Variants in PLD1 observed in about 807,000 individuals in gnomAD.
PLD1 encodes the protein choline phosphatase 1.
Under a neutral mutation model 137.1 loss-of-function variants are expected in PLD1, and 112 were observed. The observed-to-expected ratio is 0.82, with a 90% CI of 0.70 to 0.96. The LOEUF (loss-of-function observed/expected upper bound fraction) is 0.96, where lower values mean the gene tolerates loss of function less well. PLD1 is among the 40% of genes least tolerant of loss of function. The probability of loss-of-function intolerance (pLI) is 0.00; values close to 1 mark genes in which losing one functional copy is unlikely to be tolerated. For missense variants in PLD1, 1,321 were observed against 1,342.0 expected (o/e 0.98, Z 0.24); for synonymous variants, 431 against 454.7 (o/e 0.95, Z 0.66).
chr3:171,783,505 T>G (rs1477616557), intron 1 of PLD1, among the ~76,000 whole-genome samples: 1 of 152,048 alleles, frequency 6.6e-6, no homozygotes, highest in Non-Finnish European at 1.5e-5. Context: ...GACGTAAAAG[T>G]GTTGATCTGA....
intron 17 of PLD1, among the ~76,000 whole-genome samples, chr3:171,677,344 C>T (rs1278510916): frequency 1.3e-5 from 2 of 152,202 alleles, no homozygotes; most frequent in Non-Finnish European, 2.9e-5. Flanking sequence ...CTGGATTTTT[C>T]AGACAGTTCA....
In PLD1 at chr3:171,624,574, T is replaced by C. The variant is rs140067872; in HGVS notation, c.2594-4054A>G. Among the ~76,000 whole-genome samples the C allele has an allele frequency of 2.6e-5, 4 of 152,138 alleles. No individual in the cohort carries two copies. The East Asian group carries it at 7.7e-4, about 29-fold the overall frequency. ...ATAAGAATATATGTATATATATTAA[T>C]ATATACACAGTTACCCATTGTATGT... On this transcript the variant is annotated intron_variant, in intron 23 of 26. Transcript: ENST00000351298.
At chr3:171,777,167 A>AT (rs577704942) in intron 1 of PLD1, among the ~76,000 whole-genome samples, 31 of 152,162 alleles carry the variant, frequency 2.0e-4, no homozygotes, top group African/African-American at 4.8e-4. Context: ...TTTCTCTATT[A>AT]TTTTCTTTCT....
chr3:171,621,672 T>C (rs1352173326), intron 23 of PLD1, among the ~76,000 whole-genome samples: 5 of 152,184 alleles, frequency 3.3e-5, no homozygotes, highest in Non-Finnish European at 7.4e-5. Flanking sequence ...TGATGAGAGT[T>C]GAAATGTTGG....
At chr3:171,689,488 C>CTCCTTCCTTCCT (rs200165498) in intron 13 of PLD1, among the ~76,000 whole-genome samples, 38 of 149,738 alleles carry the variant, frequency 2.5e-4, no homozygotes, top group African/African-American at 7.1e-4. Flanking sequence ...CCTTCCTTCC[C>CTCCTTCCTTCCT]TCCTTCCTTC....
intron 20 of PLD1, among the ~76,000 whole-genome samples, chr3:171,661,001 G>T (rs984025737): frequency 6.6e-6 from 1 of 152,134 alleles, no homozygotes; most frequent in Non-Finnish European, 1.5e-5. Context: ...CATCTCTATG[G>T]TATAATTGTT....
rs753012433 is a variant in PLD1 at position 171,603,272 on chromosome 3, G to A, written c.3031C>T (p.His1011Tyr). Residue 1011 changes from histidine to tyrosine, a missense_variant, in exon 27 of 27, where the codon CAC becomes TAC. Physicochemically the swap from His to Tyr is moderately conservative, Grantham distance 83. Transcript: ENST00000351298. ...AAGTCTCTCAGCTGAATTAAATTGT[G>A]TACTTCATCATTGGGAAGGCACCGG... ...VFRCLPNDEV[H>Y]NLIQLRDFIN... The A allele has an allele frequency of 4.3e-6, 7 of 1,613,904 alleles. No individual in the cohort carries two copies. The highest frequency in any genetic ancestry group is 5.1e-6 in the Non-Finnish European group (6 of 1,179,892).
chr3:171,788,908 C>T (rs10936700), intron 1 of PLD1: 108,602 of 152,152 alleles, frequency 0.71, 38,876 homozygotes, highest in Admixed American at 0.75. Context: ...TTTTTTTGAA[C>T]TGTATTCCTT....
rs188586768 is a variant in PLD1 at position 171,765,804 on chromosome 3, C to A, written c.-31-27722G>T. ...GTCCCTTTCATCACATCATCAACTG[C>A]GTTTAGACCAAAGAATTGTTATCCA... is the stretch of plus-strand genomic sequence containing the variant. On this transcript the variant is annotated intron_variant, in intron 1 of 26. Transcript: ENST00000351298. 5.0e-4 allele frequency among the ~76,000 whole-genome samples: 76 copies of A among 152,316 alleles called. 1 individual carries two copies. The highest frequency in any genetic ancestry group is 1.8e-3 in the African/African-American group (75 of 41,574).
At chr3:171,781,676 G>A (rs1298098151) in intron 1 of PLD1, among the ~76,000 whole-genome samples, 7 of 152,088 alleles carry the variant, frequency 4.6e-5, no homozygotes, top group African/African-American at 2.4e-5. Context: ...TAAGAAAAAC[G>A]CAATGAGGTA....
rs191779507 is a variant in PLD1 at position 171,619,406 on chromosome 3, T to G, written c.2728+980A>C. ...TTTAGGAGAGTAACTCTCCTGAATT[T>G]GTCAGTGGGAAGAGGCCTTTGGAAA... On this transcript the variant is annotated intron_variant, in intron 24 of 26. Coordinates refer to ENST00000351298, the MANE Select transcript of PLD1 (RefSeq NM_002662.5). Among the ~76,000 whole-genome samples the G allele has an allele frequency of 2.8e-3, 424 of 152,326 alleles. 4 individuals carry two copies. Among genetic ancestry groups the G allele is most frequent in the Admixed American group, 5.2e-3 (79 of 15,300 alleles).
intron 22 of PLD1, chr3:171,643,215 T>C (rs1436756354): frequency 8.5e-6 from 2 of 236,614 alleles, no homozygotes; most frequent in Non-Finnish European, 1.6e-5. Flanking sequence ...AAGATAAATT[T>C]AGAATGCATC....
chr3:171,726,017 C>CTCTTTT lies in PLD1; in HGVS notation c.665_665+1insAAAAGA (p.Ile222_Glu223insLysGlu). ...CTCTTTTAAGGTTTATTGCAACTTA[C>CTCTTTT]ATGCCCTTTGGTCCCAAATCATGGA... On this transcript the variant is annotated inframe_insertion and splice_region_variant. Coordinates refer to ENST00000351298, the MANE Select transcript of PLD1 (RefSeq NM_002662.5). 4 of 1,602,036 alleles carry CTCTTTT rather than the reference C, an allele frequency of 2.5e-6. No homozygotes were observed. Among genetic ancestry groups the CTCTTTT allele is most frequent in the Non-Finnish European group, 3.4e-6 (4 of 1,169,068 alleles).
intron 1 of PLD1, among the ~76,000 whole-genome samples, chr3:171,775,220 G>C (rs1182164937): frequency 6.6e-6 from 1 of 151,798 alleles, no homozygotes. Flanking sequence ...AGACATCAAG[G>C]ATTTTTCATA....
intron 1 of PLD1, among the ~76,000 whole-genome samples, chr3:171,810,083 G>T (rs1036184099): frequency 2.0e-5 from 3 of 152,240 alleles, no homozygotes; most frequent in African/African-American, 7.2e-5. Context: ...GCGGCGAGGC[G>T]GTGCATCCTG....
intron 9 of PLD1, among the ~76,000 whole-genome samples, chr3:171,712,332 C>A (rs1717327918): frequency 6.6e-6 from 1 of 152,094 alleles, no homozygotes; most frequent in Admixed American, 6.5e-5. Flanking sequence ...ACAGGAGGTG[C>A]CTGGGCTTGA....
At chr3:171,673,350 C>T (rs1447077002) in intron 19 of PLD1, among the ~76,000 whole-genome samples, 2 of 129,740 alleles carry the variant, frequency 1.5e-5, no homozygotes, top group Admixed American at 7.7e-5. Context: ...GGTGTAGTCT[C>T]GGCTCACTGC....
intron 24 of PLD1, among the ~76,000 whole-genome samples, chr3:171,616,356 G>C (rs1733113436): frequency 6.6e-6 from 1 of 152,144 alleles, no homozygotes; most frequent in Admixed American, 6.5e-5. Context: ...GTCTCACTTA[G>C]AAATTGTGAA....
In PLD1 at chr3:171,692,385, T is replaced by C; in HGVS notation, c.1285A>G (p.Ile429Val). The change falls in exon 13 of 27, where the codon ATC (isoleucine) becomes GTC (valine). Residue 429 changes from isoleucine to valine, a missense_variant. Coordinates refer to ENST00000351298, the MANE Select transcript of PLD1 (RefSeq NM_002662.5). ...LYKEVELALGINSEYTKRTLM... is the reference protein window; with the variant it reads ...LYKEVELALGVNSEYTKRTLM... The stretch of plus-strand genomic sequence containing the variant: ...GTCCTCTTGGTGTATTCACTATTGA[T>C]GCCAAGAGCGAGTTCCACCTCTTTG... 2 of 1,606,432 alleles carry C rather than the reference T, an allele frequency of 1.2e-6. No individual in the cohort carries two copies. The highest frequency in any genetic ancestry group is 1.7e-6 in the Non-Finnish European group (2 of 1,172,882).
Sources: allele counts gnomAD v4.1 joint callset (sites outside exome capture counted in the v4.1 genomes callset), GRCh38; gene constraint gnomAD v4.1.1; transcripts MANE v1.5; gene names NCBI Gene and HGNC (gene_info 2026-07-23, HGNC 2026-07-21).